Variants in CDH22 observed in about 807,000 individuals in gnomAD.
The protein encoded by CDH22 is cadherin 22, also known as cadherin-22.
In CDH22, 30 loss-of-function variants were observed where a neutral mutation model predicts 58.4. That is an observed-to-expected ratio of 0.51 (90% CI 0.38 to 0.70). The LOEUF (loss-of-function observed/expected upper bound fraction) is 0.70, where lower values mean the gene tolerates loss of function less well. Among genes scored for constraint, CDH22 ranks in the 30% least tolerant of loss-of-function variants. The pLI is 0.00. For missense variants in CDH22, 1,014 were observed against 1,233.9 expected (o/e 0.82, Z 2.67); for synonymous variants, 513 against 558.2 (o/e 0.92, Z 1.14).
intron 10 of CDH22, among the ~76,000 whole-genome samples, chr20:46,184,218 C>T (rs2085809229): frequency 6.6e-6 from 1 of 152,074 alleles, no homozygotes; most frequent in African/African-American, 2.4e-5. Context: ...CCTGCCTCAG[C>T]CTCTGGAGTA....
chr20:46,260,528 C>T (rs1020670287), intron 1 of CDH22, among the ~76,000 whole-genome samples: 3 of 152,202 alleles, frequency 2.0e-5, no homozygotes, highest in African/African-American at 4.8e-5. Flanking sequence ...CGTTCCCACA[C>T]ACATACCTGG....
chr20:46,218,209 C>T (rs1402346343), intron 4 of CDH22, among the ~76,000 whole-genome samples: 1 of 152,208 alleles, frequency 6.6e-6, no homozygotes, highest in African/African-American at 2.4e-5. Flanking sequence ...CAGGTGTGAG[C>T]CACTGCACTT....
At position 46,217,221 on chromosome 20, in the gene CDH22, G is replaced by A. The variant is rs1268676546; in HGVS notation, c.671-228C>T. 2.6e-5 allele frequency among the ~76,000 whole-genome samples: 4 copies of A among 151,912 alleles called. No homozygotes were observed. The East Asian group carries it at 7.7e-4, about 29-fold the overall frequency. The stretch of plus-strand genomic sequence containing the variant: ...AGATACAGATACACATGCCCACACA[G>A]ATATACTCACACATGCTCACACACA... On this transcript the variant is annotated intron_variant, in intron 4 of 11. Transcript: ENST00000537909.
chr20:46,240,174 G>T (rs1016391382), intron 3 of CDH22, among the ~76,000 whole-genome samples: 3 of 152,060 alleles, frequency 2.0e-5, no homozygotes, highest in Non-Finnish European at 2.9e-5. Context: ...TCATTCATCT[G>T]CCTGTGCCCA....
intron 2 of CDH22, among the ~76,000 whole-genome samples, chr20:46,249,047 T>G (rs901252003): frequency 2.6e-5 from 4 of 152,224 alleles, no homozygotes; most frequent in African/African-American, 9.6e-5. Flanking sequence ...GAACACTTTA[T>G]GTGCTCTGTT....
chr20:46,306,055 T>C (rs1485566133), intron 1 of CDH22, among the ~76,000 whole-genome samples: 1 of 152,240 alleles, frequency 6.6e-6, no homozygotes. Context: ...CCAAACTTTG[T>C]CCTCTGCTTC....
chr20:46,180,017 G>A (rs1302361989), intron 10 of CDH22, among the ~76,000 whole-genome samples: 1 of 149,834 alleles, frequency 6.7e-6, no homozygotes, highest in African/African-American at 2.6e-5. Context: ...CGCTTCCCTG[G>A]GAAGGAAGGA....
At chr20:46,296,252 G>A (rs2086628473) in intron 1 of CDH22, among the ~76,000 whole-genome samples, 2 of 152,228 alleles carry the variant, frequency 1.3e-5, no homozygotes, top group Non-Finnish European at 2.9e-5. Flanking sequence ...TGATCTGGCT[G>A]TAAGGCAGGG....
At chr20:46,182,993 T>C (rs995115516) in intron 10 of CDH22, among the ~76,000 whole-genome samples, 12 of 151,888 alleles carry the variant, frequency 7.9e-5, no homozygotes, top group Non-Finnish European at 1.2e-4. Flanking sequence ...GGTGGCACTC[T>C]GGATGGCAGC....
At chr20:46,263,168 C>T (rs1017145249) in intron 1 of CDH22, among the ~76,000 whole-genome samples, 1 of 152,224 alleles carries the variant, frequency 6.6e-6, no homozygotes, top group African/African-American at 2.4e-5. Flanking sequence ...AGAGTTTGCA[C>T]TACTGAATGT....
chr20:46,180,341 C>T (rs1462977127), intron 10 of CDH22, among the ~76,000 whole-genome samples: 1 of 152,206 alleles, frequency 6.6e-6, no homozygotes, highest in Non-Finnish European at 1.5e-5. Context: ...ATCTCAGGCC[C>T]CTTGGGTTGG....
At position 46,192,190 on chromosome 20, in the gene CDH22, C is replaced by T. The variant is rs553864712; in HGVS notation, c.1424-5243G>A. Among the ~76,000 whole-genome samples, 4 of 152,294 alleles carry T rather than the reference C, an allele frequency of 2.6e-5. No homozygotes were observed. In the South Asian group the frequency reaches 8.3e-4, roughly 32 times the overall value. The stretch of plus-strand genomic sequence containing the variant: ...TTGTATATTTTCTTTACTGCTGTAT[C>T]CCCAGCAACTGTGTGCACACTACAT... On this transcript the variant is annotated intron_variant, in intron 8 of 11. Coordinates refer to ENST00000537909, the MANE Select transcript of CDH22 (RefSeq NM_021248.3).
At chr20:46,289,050 A>G (rs931354937) in intron 1 of CDH22, among the ~76,000 whole-genome samples, 1 of 151,988 alleles carries the variant, frequency 6.6e-6, no homozygotes, top group Non-Finnish European at 1.5e-5. Flanking sequence ...TACTTCTCTG[A>G]CCTTTTCCTA....
rs1396101494 is a variant in CDH22, at chr20:46,288,604, C to A, written c.-400+19651G>T. Among the ~76,000 whole-genome samples the A allele has an allele frequency of 9.8e-5, 15 of 152,294 alleles. No individual in the cohort carries two copies. In the East Asian group the frequency reaches 2.7e-3, roughly 27 times the overall value. ...GAACCCGGACTCCTGAGTCCTACCC[C>A]CAACCACACACAAATAATGAGAACA... On this transcript the variant is annotated intron_variant, in intron 1 of 11. Transcript: ENST00000537909.
Position 46,241,358 on chromosome 20 carries a change from T to C in CDH22, c.256-101A>G, listed in dbSNP as rs1422296449. 9 of 976,910 alleles carry C rather than the reference T, an allele frequency of 9.2e-6. No individual in the cohort carries two copies. The highest frequency in any genetic ancestry group is 1.2e-5 in the Non-Finnish European group (8 of 670,268). The allele number at this position is 976,910 out of a possible 1,614,324, so 60.5% of individuals were successfully genotyped here. A position where few individuals can be genotyped will look rare whatever the true frequency, so the allele number is the denominator to read the frequency against. ...GCTGCCTATTCCTAAGCCCATCTCT[T>C]CTCCAGCACATACACATCTTTAGTG... On this transcript the variant is annotated intron_variant, in intron 2 of 11. Coordinates refer to ENST00000537909, the MANE Select transcript of CDH22 (RefSeq NM_021248.3). This position sits in a 1 kb window ranked among gnomAD's most constrained non-coding sequence, Gnocchi z 5.2.
At chr20:46,236,534 T>A (rs2086253134) in intron 3 of CDH22, among the ~76,000 whole-genome samples, 1 of 138,646 alleles carries the variant, frequency 7.2e-6, no homozygotes, top group Non-Finnish European at 1.5e-5. Context: ...ATATAATATA[T>A]TTATATATAA....
intron 1 of CDH22, among the ~76,000 whole-genome samples, chr20:46,274,837 A>AG (rs1568680841): frequency 6.6e-6 from 1 of 151,932 alleles, no homozygotes; most frequent in Non-Finnish European, 1.5e-5. Flanking sequence ...CAAAAAAAAA[A>AG]AAACCAAAAA....
intron 1 of CDH22, among the ~76,000 whole-genome samples, chr20:46,283,265 C>G (rs958320148): frequency 1.1e-4 from 17 of 152,158 alleles, no homozygotes; most frequent in Non-Finnish European, 1.9e-4. Flanking sequence ...ATTCTGGGAG[C>G]AGGGGGAGGT....
chr20:46,248,554 G>A (rs1246018893), intron 2 of CDH22, among the ~76,000 whole-genome samples: 1 of 152,190 alleles, frequency 6.6e-6, no homozygotes, highest in Non-Finnish European at 1.5e-5. Context: ...CAGGTGTAGT[G>A]GCTGACTTCT....
Sources: allele counts gnomAD v4.1 joint callset (sites outside exome capture counted in the v4.1 genomes callset), GRCh38; gene constraint gnomAD v4.1.1; non-coding constraint Gnocchi (gnomAD v3.1); transcripts MANE v1.5; gene names NCBI Gene and HGNC (gene_info 2026-07-23, HGNC 2026-07-21).